The following TENM2 variants were observed in gnomAD, a reference collection of about 807,000 sequenced individuals.
The protein encoded by TENM2 is teneurin-2.
Under a neutral mutation model 245.2 loss-of-function variants are expected in TENM2, and 52 were observed. The observed-to-expected ratio is 0.21, with a 90% CI of 0.17 to 0.27. The LOEUF is 0.27. TENM2 is among the 10% of genes least tolerant of loss of function. The pLI is 1.00. For synonymous variants in TENM2, 1,363 were observed against 1,438.9 expected (o/e 0.95, Z 1.19); for missense variants, 3,046 against 3,666.8 (o/e 0.83, Z 4.37).
chr5:168,180,634 ACCTGTCATCCC>A (rs1222906257), intron 13 of TENM2, among the ~76,000 whole-genome samples: 2 of 152,190 alleles, frequency 1.3e-5, no homozygotes, highest in East Asian at 3.9e-4. Flanking sequence ...AGTGGTGCAC[ACCTGTCATCCC>A]AGCACTTTGG....
At chr5:167,523,127 G>T (rs1272331658) in intron 2 of TENM2, among the ~76,000 whole-genome samples, 1 of 152,046 alleles carries the variant, frequency 6.6e-6, no homozygotes, top group African/African-American at 2.4e-5. Context: ...TAGCATCTAG[G>T]TCCCAGCCAG....
At chr5:167,437,210 T>C (rs1351837352) in intron 2 of TENM2, among the ~76,000 whole-genome samples, 2 of 152,150 alleles carry the variant, frequency 1.3e-5, no homozygotes, top group Non-Finnish European at 2.9e-5. Flanking sequence ...CCCAAGACCA[T>C]GGGAACCCAC....
intron 14 of TENM2, 192 bp downstream of exon 16, chr5:168,190,739 G>A: frequency 1.9e-6 from 1 of 529,598 alleles, no homozygotes; most frequent in Non-Finnish European, 3.4e-6. Flanking sequence ...CAGAGCCCTA[G>A]TGTCTTTGCA....
intron 2 of TENM2, among the ~76,000 whole-genome samples, chr5:167,456,935 A>G (rs17068503): frequency 8.7e-4 from 133 of 152,304 alleles, no homozygotes; most frequent in Non-Finnish European, 1.7e-3. Flanking sequence ...TCTCTGGGAG[A>G]ATGATGTTAC....
intron 5 of TENM2, among the ~76,000 whole-genome samples, chr5:168,029,749 T>C (rs1445922689): frequency 6.6e-6 from 1 of 152,232 alleles, no homozygotes; most frequent in Non-Finnish European, 1.5e-5. Context: ...GCACCGTGCC[T>C]AAAATTTCCA....
chr5:167,341,002 C>CAG (rs1370718726), intron 1 of TENM2, among the ~76,000 whole-genome samples: 1 of 152,104 alleles, frequency 6.6e-6, no homozygotes, highest in Non-Finnish European at 1.5e-5. Flanking sequence ...TCTTGGTTTG[C>CAG]AGACCCTCTT....
At chr5:167,012,001 C>T in the TENM2 span, among the ~76,000 whole-genome samples, 7 of 151,800 alleles carry the variant, frequency 4.6e-5, no homozygotes, top group African/African-American at 9.7e-5. Flanking sequence ...CTGATTGCTA[C>T]ATTGCTGTCA....
chr5:167,647,446 A>G (rs915303256), intron 2 of TENM2, among the ~76,000 whole-genome samples: 2 of 152,010 alleles, frequency 1.3e-5, no homozygotes, highest in African/African-American at 4.8e-5. Flanking sequence ...AACATGGTGA[A>G]ACCCCGTCTC....
intron 2 of TENM2, among the ~76,000 whole-genome samples, chr5:167,862,798 C>G (rs931918871): frequency 6.6e-5 from 10 of 152,312 alleles, no homozygotes; most frequent in African/African-American, 2.4e-4. Flanking sequence ...TGAATTTCTG[C>G]TAGGGCACAA....
intron 2 of TENM2, among the ~76,000 whole-genome samples, chr5:167,540,533 G>A (rs996128005): frequency 6.6e-6 from 1 of 152,184 alleles, no homozygotes; most frequent in African/African-American, 2.4e-5. Flanking sequence ...TGTACTGTCT[G>A]TGGCTGGTTT....
the TENM2 span, among the ~76,000 whole-genome samples, chr5:167,123,815 C>A: frequency 6.6e-6 from 1 of 151,996 alleles, no homozygotes; most frequent in African/African-American, 2.4e-5. Flanking sequence ...GCCAAAAGTA[C>A]AGAAAAAGAA....
chr5:167,438,118 T>C (rs1450382647), intron 2 of TENM2, among the ~76,000 whole-genome samples: 1 of 152,196 alleles, frequency 6.6e-6, no homozygotes, highest in Non-Finnish European at 1.5e-5. Flanking sequence ...TATCTGATAA[T>C]CCAGGTTAAT....
At chr5:167,882,664 A>G (rs1274638940) in intron 3 of TENM2, among the ~76,000 whole-genome samples, 4 of 152,184 alleles carry the variant, frequency 2.6e-5, no homozygotes, top group Non-Finnish European at 5.9e-5. Context: ...AAACAGGGGT[A>G]ATGCCAGATG....
the TENM2 span, among the ~76,000 whole-genome samples, chr5:167,230,510 C>T: frequency 6.6e-6 from 1 of 151,996 alleles, no homozygotes; most frequent in East Asian, 1.9e-4. Context: ...TAAGAGATGC[C>T]TCTAATCAGC....
At chr5:168,027,177 C>A (rs1223203707) in intron 5 of TENM2, among the ~76,000 whole-genome samples, 1 of 152,076 alleles carries the variant, frequency 6.6e-6, no homozygotes, top group East Asian at 1.9e-4. Context: ...AAGGTACCGT[C>A]ACCCACTGAG....
chr5:167,856,974 T>C (rs965289380), intron 2 of TENM2, among the ~76,000 whole-genome samples: 9 of 152,234 alleles, frequency 5.9e-5, no homozygotes, highest in African/African-American at 1.9e-4. Context: ...TCTGTGCACA[T>C]GTACTTTGTT....
chr5:167,878,116 T>C (rs756168492), intron 3 of TENM2, among the ~76,000 whole-genome samples: 20 of 152,238 alleles, frequency 1.3e-4, no homozygotes, highest in Non-Finnish European at 2.1e-4. Flanking sequence ...TGGAATGTTT[T>C]CTTAGCAATA....
intron 13 of TENM2, among the ~76,000 whole-genome samples, chr5:168,177,360 G>C (rs1371607038): frequency 6.6e-6 from 1 of 152,170 alleles, no homozygotes; most frequent in African/African-American, 2.4e-5. Flanking sequence ...AAGCTGGTGT[G>C]ATTATTTTTA....
intron 25 of TENM2, among the ~76,000 whole-genome samples, chr5:168,238,218 AG>A (rs1765717419): frequency 7.4e-5 from 9 of 121,962 alleles, no homozygotes; most frequent in Non-Finnish European, 1.4e-4. Context: ...AGGGAGGGAG[AG>A]AGAAGAAAAG....
Sources: gnomAD v4.1 joint callset for allele counts (sites outside exome capture counted in the v4.1 genomes callset) on GRCh38, gnomAD v4.1.1 for gene constraint, MANE v1.5 for transcripts, NCBI Gene and HGNC (gene_info 2026-07-23, HGNC 2026-07-21) for gene names.